Variants in COL19A1 observed in about 807,000 individuals in gnomAD.
COL19A1 encodes the protein collagen type XIX alpha 1 chain.
Under a neutral mutation model 190.2 loss-of-function variants are expected in COL19A1, and 159 were observed. The ratio of observed to expected loss-of-function variants is 0.84; its 90% CI spans 0.73 to 0.95. The LOEUF (loss-of-function observed/expected upper bound fraction) is 0.95. COL19A1 is among the 40% of genes least tolerant of loss of function. The pLI, the probability that COL19A1 is intolerant of heterozygous loss-of-function variation, is 0.00. For synonymous variants in COL19A1, 509 were observed against 458.9 expected (o/e 1.11, Z -1.39); for missense variants, 1,418 against 1,431.9 (o/e 0.99, Z 0.16).
At chr6:70,154,701 T>G (rs983447394) in intron 31 of COL19A1, among the ~76,000 whole-genome samples, 22 of 152,144 alleles carry the variant, frequency 1.4e-4, no homozygotes, top group Non-Finnish European at 2.8e-4. Context: ...ACCTCAAAAG[T>G]AGGGAAGCTG....
chr6:70,147,001 A>G (rs1489203512), intron 27 of COL19A1, 112 bp downstream of exon 27: 3 of 894,424 alleles, frequency 3.4e-6, no homozygotes, highest in African/African-American at 3.4e-5. Context: ...AAATACAAAT[A>G]AACACTATCC....
At chr6:70,197,264 CAAAA>C (rs1349304009) in intron 48 of COL19A1, among the ~76,000 whole-genome samples, 28 of 149,948 alleles carry the variant, frequency 1.9e-4, no homozygotes, top group African/African-American at 6.6e-4. Context: ...ACTAAAGATA[CAAAA>C]AAAAATTAGC....
chr6:69,916,378 ACTT>A (rs566408577), intron 4 of COL19A1, among the ~76,000 whole-genome samples: 95 of 152,346 alleles, frequency 6.2e-4, no homozygotes, highest in Admixed American at 2.1e-3. Context: ...TTTGGTGAAA[ACTT>A]CTAAGTTTTC....
intron 11 of COL19A1, among the ~76,000 whole-genome samples, chr6:69,990,034 G>A (rs534546486): frequency 1.3e-5 from 2 of 152,100 alleles, no homozygotes; most frequent in South Asian, 4.1e-4. Context: ...TAATGAATGT[G>A]TACAAATGAT....
intron 18 of COL19A1, among the ~76,000 whole-genome samples, chr6:70,135,609 G>A (rs1785815574): frequency 6.6e-6 from 1 of 152,108 alleles, no homozygotes; most frequent in African/African-American, 2.4e-5. Flanking sequence ...AATAACTATG[G>A]CACCAGCTTT....
At chr6:70,199,463 C>A in intron 48 of COL19A1, 145 bp from the exon 49 acceptor site, 1 of 553,550 alleles carries the variant, frequency 1.8e-6, no homozygotes, top group Non-Finnish European at 2.8e-6. Flanking sequence ...AATCAAAAAA[C>A]TCAGCAGTCA....
intron 11 of COL19A1, among the ~76,000 whole-genome samples, chr6:70,017,514 T>G (rs1202586165): frequency 2.0e-5 from 3 of 152,036 alleles, no homozygotes; most frequent in Non-Finnish European, 2.9e-5. Flanking sequence ...AGCTAAACAA[T>G]AAAAAAGATA....
At chr6:70,002,804 G>T (rs1164761440) in intron 11 of COL19A1, among the ~76,000 whole-genome samples, 78 of 118,272 alleles carry the variant, frequency 6.6e-4, no homozygotes, top group African/African-American at 1.9e-3. Context: ...GTTGTTGTTG[G>T]TTTTTTTTTT....
chr6:70,167,962 A>G (rs1765266040), intron 37 of COL19A1, 63 bp from the exon 38 acceptor site: 2 of 1,222,846 alleles, frequency 1.6e-6, no homozygotes, highest in East Asian at 4.7e-5. Context: ...GTAAAATGAT[A>G]AAATGTAGAG....
At chr6:69,933,536 A>C (rs1772914842) in intron 7 of COL19A1, among the ~76,000 whole-genome samples, 1 of 152,092 alleles carries the variant, frequency 6.6e-6, no homozygotes, top group Admixed American at 6.6e-5. Context: ...CTTTCTCTTA[A>C]GTGACTCCTG....
intron 2 of COL19A1, chr6:69,891,093 G>C: frequency 3.8e-6 from 1 of 261,808 alleles, no homozygotes; most frequent in Non-Finnish European, 8.0e-6. Flanking sequence ...AAACCCATTT[G>C]TTAGAAAACA....
At chr6:70,132,732 G>T (rs1785602247) in intron 18 of COL19A1, among the ~76,000 whole-genome samples, 1 of 152,110 alleles carries the variant, frequency 6.6e-6, no homozygotes, top group African/African-American at 2.4e-5. Context: ...CTATTTAGAA[G>T]TGTTTCAGAT....
At position 69,938,020 on chromosome 6, in the gene COL19A1, A is replaced by T. The variant is rs370798417; in HGVS notation, c.874-18A>T. The stretch of plus-strand genomic sequence containing the variant: ...TGTGACAGAATGTTTGCTAACACAG[A>T]TATGCATTTTTGCTCAGGGAGAAGC... On this transcript the variant is annotated intron_variant, in intron 8 of 50. Coordinates refer to ENST00000620364, the MANE Select transcript of COL19A1 (RefSeq NM_001858.6). 6.5e-5 allele frequency: 104 copies of T among 1,611,674 alleles called. No individual in the cohort carries two copies. Among genetic ancestry groups the T allele is most frequent in the South Asian group, 6.4e-4 (58 of 90,934 alleles).
intron 11 of COL19A1, among the ~76,000 whole-genome samples, chr6:70,006,261 G>T (rs1320138811): frequency 6.6e-6 from 1 of 152,210 alleles, no homozygotes. Context: ...CAGCTCTGGG[G>T]TTGGGACCCT....
chr6:70,098,028 G>C (rs1353186724), intron 15 of COL19A1, among the ~76,000 whole-genome samples: 1 of 152,170 alleles, frequency 6.6e-6, no homozygotes, highest in East Asian at 1.9e-4. Context: ...AAAACAGCCA[G>C]AGATAGAAGT....
At chr6:70,137,768 G>A (rs1386722049) in intron 19 of COL19A1, 21 bp downstream of exon 19, 27 of 1,610,010 alleles carry the variant, frequency 1.7e-5, no homozygotes, top group Non-Finnish European at 2.3e-5. Flanking sequence ...TAGCTTTGAG[G>A]ACAGAGGAAG....
rs563474890 is a variant in COL19A1, at chr6:70,141,772, T to G, written c.1483-121T>G. On this transcript the variant is annotated intron_variant, in intron 20 of 50. Coordinates refer to ENST00000620364, the MANE Select transcript of COL19A1 (RefSeq NM_001858.6). ...GAATGAACTCTCCTTGATTTTATTG[T>G]GTCTTCCATAATTTCCCTTTTTATT... 102 of 656,306 alleles carry G rather than the reference T, an allele frequency of 1.6e-4. 1 individual carries two copies. Among genetic ancestry groups the G allele is most frequent in the Non-Finnish European group, 2.4e-4 (88 of 373,282 alleles). The allele number at this position is 656,306 out of a possible 1,614,324, so 40.7% of individuals were successfully genotyped here.
intron 11 of COL19A1, among the ~76,000 whole-genome samples, chr6:69,982,756 AC>A (rs1409954572): frequency 3.3e-5 from 5 of 150,600 alleles, no homozygotes; most frequent in African/African-American, 1.2e-4. Flanking sequence ...GCAGATCACG[AC>A]GTCAGGAGAT....
chr6:69,962,850 A>G lies in COL19A1; in HGVS notation c.1006A>G (p.Lys336Glu), dbSNP rs528375585. 1 of 1,608,704 alleles carries G rather than the reference A, an allele frequency of 6.2e-7. No individual in the cohort carries two copies. Among genetic ancestry groups the G allele is most frequent in the East Asian group, 2.2e-5 (1 of 44,564 alleles). Residue 336 changes from lysine to glutamate, a missense_variant, in exon 11 of 51, where the codon AAA becomes GAA. Lys to Glu is a moderately conservative substitution (Grantham distance 56). Coordinates refer to ENST00000620364, the MANE Select transcript of COL19A1 (RefSeq NM_001858.6). ...GGGAGAGCAAGGTTTTGAAGGCAGC[A>G]AAGGAGAAACTGGTGAAAAGGTAAA... is the stretch of plus-strand genomic sequence containing the variant. ...QKGEQGFEGSKGETGEKGEQG... is the reference protein window; with the variant it reads ...QKGEQGFEGSEGETGEKGEQG...
Sources: allele counts gnomAD v4.1 joint callset (sites outside exome capture counted in the v4.1 genomes callset), GRCh38; gene constraint gnomAD v4.1.1; transcripts MANE v1.5; gene names NCBI Gene and HGNC (gene_info 2026-07-23, HGNC 2026-07-21).